Variants in SCN4A observed in about 807,000 individuals in gnomAD.
The protein encoded by SCN4A is sodium channel protein type 4 subunit alpha.
SCN4A carries 83 observed loss-of-function variants against 162.0 expected under a neutral mutation model. The ratio of observed to expected loss-of-function variants is 0.51; its 90% CI spans 0.43 to 0.61. SCN4A has a LOEUF of 0.61. Ranked by LOEUF, SCN4A falls within the 20% of genes least tolerant of loss-of-function variation. The probability of loss-of-function intolerance (pLI) is 0.00; values close to 1 mark genes in which losing one functional copy is unlikely to be tolerated. For missense variants in SCN4A, 2,196 were observed against 2,462.5 expected (o/e 0.89, Z 2.29); for synonymous variants, 944 against 985.1 (o/e 0.96, Z 0.78).
intron 8 of SCN4A, 106 bp downstream of exon 8, chr17:63,965,996 T>TG: frequency 1.3e-6 from 1 of 760,760 alleles, no homozygotes; most frequent in Non-Finnish European, 2.2e-6. Context: ...ATGGCCCAGT[T>TG]CGGGGGTTGG....
At chr17:63,943,197 A>G in intron 22 of SCN4A, 101 bp from the exon 23 acceptor site, 1 of 1,063,662 alleles carries the variant, frequency 9.4e-7, no homozygotes, top group Non-Finnish European at 1.4e-6. Context: ...AGCATGACAG[A>G]GATGACAGAG....
chr17:63,960,469 G>C (rs1273485414), intron 11 of SCN4A, among the ~76,000 whole-genome samples: 1 of 152,188 alleles, frequency 6.6e-6, no homozygotes, highest in East Asian at 1.9e-4. Context: ...ACTCTCCCTG[G>C]CTTCCCCTAA....
chr17:63,949,422 C>A lies in SCN4A; in HGVS notation c.2960G>T (p.Gly987Val). ...PEEQAEENPE[G>V]EQPEECFTEA... ...AGTGAAGCACTCCTCAGGCTGCTCC[C>A]CCTCGGGGTTCTCCTCTGCCTGCTC... The change falls in exon 15 of 24, where the codon GGG (glycine) becomes GTG (valine). Residue 987 changes from glycine to valine, a missense_variant. Transcript: ENST00000435607. 2 of 1,594,292 alleles carry A rather than the reference C, an allele frequency of 1.3e-6. No individual in the cohort carries two copies. The highest frequency in any genetic ancestry group is 2.3e-5 in the East Asian group (1 of 44,004).
chr17:63,940,037 C>G lies in SCN4A; in HGVS notation c.*734G>C, dbSNP rs757814829. 1 of 152,280 alleles carries G rather than the reference C, an allele frequency of 6.6e-6. No homozygotes were observed. Among genetic ancestry groups the G allele is most frequent in the Non-Finnish European group, 1.5e-5 (1 of 68,084 alleles). The allele number at this position is 152,280 out of a possible 1,614,324, so 9.4% of individuals were successfully genotyped here. On this transcript the variant is annotated 3_prime_UTR_variant, in exon 24 of 24. Transcript: ENST00000435607. ...AGGACAATTCATTCCCAAGTGGCATCCTTCCTTCTGCTCTTCCCCTAGGAG... is the reference window on the plus strand; with the variant it reads ...AGGACAATTCATTCCCAAGTGGCATGCTTCCTTCTGCTCTTCCCCTAGGAG...
At position 63,957,201 on chromosome 17, in the gene SCN4A, G is replaced by A. The variant is rs1162124946; in HGVS notation, c.2337C>T (p.Leu779=). ...TGACCATGACCATGAGGAAGACGGT[G>A]AGGCACATGGCTTGGCCGGCCACCT... ...CMEVAGQAMC[L]TVFLMVMVIG... The change falls in exon 13 of 24, where the codon CTC becomes CTT. Residue 779 remains leucine, a synonymous_variant. Transcript: ENST00000435607. The A allele has an allele frequency of 1.3e-6, 2 of 1,594,482 alleles. No individual in the cohort carries two copies. The highest frequency in any genetic ancestry group is 2.7e-5 in the African/African-American group (2 of 74,686).
chr17:63,941,947 C>T lies in SCN4A; in HGVS notation c.4335G>A (p.Thr1445=), dbSNP rs542056839. The change falls in exon 24 of 24, where the codon ACG becomes ACA. Residue 1445 remains threonine, a synonymous_variant. Coordinates refer to ENST00000435607, the MANE Select transcript of SCN4A (RefSeq NM_000334.4). This position sits in a 1 kb window ranked among gnomAD's most constrained non-coding sequence, Gnocchi z 6.2. ...GCGCCAGGCGGATCACACGGAACAGCGTGGGTGACACGAAGTACTTCTGGA... is the reference window on the plus strand; with the variant it reads ...GCGCCAGGCGGATCACACGGAACAGTGTGGGTGACACGAAGTACTTCTGGA... ...DLIQKYFVSP[T]LFRVIRLARI... 2.5e-6 allele frequency: 4 copies of T among 1,600,432 alleles called. No homozygotes were observed. Among genetic ancestry groups the T allele is most frequent in the South Asian group, 2.2e-5 (2 of 89,942 alleles).
chr17:63,946,141 C>T (rs60749155), intron 18 of SCN4A, among the ~76,000 whole-genome samples: 1 of 152,212 alleles, frequency 6.6e-6, no homozygotes, highest in Non-Finnish European at 1.5e-5. Context: ...TGGGCTGGAT[C>T]TGACACCCCT....
intron 21 of SCN4A, 50 bp from the exon 22 acceptor site, chr17:63,943,900 C>T (rs1258738873): frequency 9.9e-6 from 12 of 1,215,080 alleles, no homozygotes; most frequent in Non-Finnish European, 1.3e-5. Flanking sequence ...CCCTTCCTGC[C>T]TCCAGGACCA....
At position 63,951,529 on chromosome 17, in the gene SCN4A, G is replaced by C. The variant is rs115379510; in HGVS notation, c.2748C>G (p.Asn916Lys). ...SLELDHLNFI[N>K]NPYLTIQVPI... ...GCACCTGTATGGTCAGGTAGGGGTT[G>C]TTGATGAAGTTAAGGTGGTCCAGCT... The change falls in exon 14 of 24, where the codon AAC becomes AAG. Residue 916 changes from asparagine (N) to lysine (K), a missense_variant. Coordinates refer to ENST00000435607, the MANE Select transcript of SCN4A (RefSeq NM_000334.4). The surrounding 1 kb of genome is among the most constrained non-coding windows in gnomAD (Gnocchi z 4.5). 739 of 1,614,024 alleles carry C rather than the reference G, an allele frequency of 4.6e-4. 3 individuals are homozygous for C. The African/African-American group carries it at 9.0e-3, about 20-fold the overall frequency.
Position 63,966,168 on chromosome 17 carries a change from GA to G in SCN4A, c.1175del (p.Phe392SerfsTer12). On this transcript the variant is annotated frameshift_variant, in exon 8 of 24. Transcript: ENST00000435607. LOFTEE classifies it high-confidence loss of function. ...PNYGYTSYDT[F>X]SWAFLALFRL... is the part of the protein sequence containing the mutation. ...GGAAGAGAGCCAAGAAGGCCCAGCT[GA>G]AGGTGTCATAGCTGGTGTAGCCATA... 1 of 1,596,356 alleles carries G rather than the reference GA, an allele frequency of 6.3e-7. No individual in the cohort carries two copies. The highest frequency in any genetic ancestry group is 1.7e-5 in the Admixed American group (1 of 57,234).
At chr17:63,961,547 A>G (rs1909257142) in intron 10 of SCN4A, 116 bp from the exon 11 acceptor site, 2 of 740,536 alleles carry the variant, frequency 2.7e-6, no homozygotes, top group Admixed American at 2.0e-5. Flanking sequence ...TCCACATCTC[A>G]ACCCTCTAGC....
At position 63,940,443 on chromosome 17, in the gene SCN4A, C is replaced by T. The variant is rs576821481; in HGVS notation, c.*328G>A. ...GGCCAGCTCCTCCTCAAGTGAGGGG[C>T]AGAGATTCGAATGTTCTGACCTCCC... On this transcript the variant is annotated 3_prime_UTR_variant, in exon 24 of 24. Coordinates refer to ENST00000435607, the MANE Select transcript of SCN4A (RefSeq NM_000334.4). 9.6e-6 allele frequency: 3 copies of T among 313,756 alleles called. No individual in the cohort carries two copies. Among genetic ancestry groups the T allele is most frequent in the East Asian group, 5.2e-5 (1 of 19,206 alleles). The allele number at this position is 313,756 out of a possible 1,614,324, so 19.4% of individuals were successfully genotyped here. A position where few individuals can be genotyped will look rare whatever the true frequency, so the allele number is the denominator to read the frequency against.
intron 23 of SCN4A, 77 bp from the exon 24 acceptor site, chr17:63,942,070 A>G: frequency 7.3e-7 from 1 of 1,364,050 alleles, no homozygotes; most frequent in Non-Finnish European, 9.8e-7. Context: ...TGCGGGGCTC[A>G]GGGGGCCCGG....
chr17:63,940,885 C>T lies in SCN4A; in HGVS notation c.5397G>A (p.Gly1799=), dbSNP rs1055593182. Residue 1799 remains glycine (G), a synonymous_variant, in exon 24 of 24, where the codon GGG becomes GGA. Coordinates refer to ENST00000435607, the MANE Select transcript of SCN4A (RefSeq NM_000334.4). ...TCAGCCCCATAGTGGGTCCGGCGTC[C>T]CCTGCCTCGCCCTTCTCCTCCGGGC... ...SPSPEEKGEA[G]DAGPTMGLMP... is the part of the protein sequence containing the mutation. The T allele has an allele frequency of 6.2e-7, 1 of 1,613,738 alleles. No individual in the cohort carries two copies. Among genetic ancestry groups the T allele is most frequent in the African/African-American group, 1.3e-5 (1 of 74,942 alleles).
intron 10 of SCN4A, among the ~76,000 whole-genome samples, chr17:63,962,445 G>GCCT (rs1179669425): frequency 1.3e-5 from 2 of 152,178 alleles, no homozygotes; most frequent in Non-Finnish European, 2.9e-5. Flanking sequence ...CCTCCTCCTG[G>GCCT]CCTTGGTGGG....
At chr17:63,952,468 C>T (rs2144787954) in intron 13 of SCN4A, among the ~76,000 whole-genome samples, 1 of 152,250 alleles carries the variant, frequency 6.6e-6, no homozygotes, top group South Asian at 2.1e-4. Flanking sequence ...CCATGACTGT[C>T]CTTTACCTCC....
Position 63,947,044 on chromosome 17 carries a change from C to A in SCN4A, c.3441+1G>T. ...ACCCCAGAGGCCCCTTCAGCACCCA[C>A]CCTCATGCCCTCGAATCGGGACAGT... On this transcript the variant is annotated splice_donor_variant, in intron 18 of 23. Transcript: ENST00000435607. LOFTEE classifies it high-confidence loss of function. The A allele has an allele frequency of 6.2e-7, 1 of 1,611,488 alleles. No individual in the cohort carries two copies.
intron 23 of SCN4A, among the ~76,000 whole-genome samples, chr17:63,942,442 G>C (rs542160236): frequency 6.6e-6 from 1 of 152,322 alleles, no homozygotes; most frequent in Admixed American, 6.5e-5. Flanking sequence ...ATGAACAACA[G>C]GTGAGATAAC....
intron 17 of SCN4A, among the ~76,000 whole-genome samples, chr17:63,947,575 A>AACAT (rs1908766005): frequency 6.6e-6 from 1 of 152,202 alleles, no homozygotes. Context: ...GCAACATAGC[A>AACAT]AGATCCCATC....
Sources: allele counts gnomAD v4.1 joint callset (sites outside exome capture counted in the v4.1 genomes callset), GRCh38; gene constraint gnomAD v4.1.1; non-coding constraint Gnocchi (gnomAD v3.1); transcripts MANE v1.5; gene names NCBI Gene and HGNC (gene_info 2026-07-23, HGNC 2026-07-21).